The following ANO10 variants were observed in gnomAD, a reference collection of about 807,000 sequenced individuals.
The protein encoded by ANO10 is anoctamin 10, also known as anoctamin-10.
A neutral mutation model predicts 74.7 loss-of-function variants in ANO10; 77 were observed. The ratio of observed to expected loss-of-function variants is 1.03; its 90% confidence interval spans 0.86 to 1.25. The LOEUF is 1.25. ANO10 is among the 50% of genes most tolerant of loss of function. The pLI, the probability that ANO10 is intolerant of heterozygous loss-of-function variation, is 0.00. For synonymous variants in ANO10, 279 were observed against 284.9 expected, an observed-to-expected ratio of 0.98 and a Z score of 0.21; for missense variants, 721 against 778.1, an observed-to-expected ratio of 0.93 and a Z score of 0.87.
chr3:43,637,055 C>T (rs1341866502), intron 1 of ANO10, among the ~76,000 whole-genome samples: 1 of 152,092 alleles, frequency 6.6e-6, no homozygotes, highest in African/African-American at 2.4e-5. Context: ...CTGCAGTCCC[C>T]GCTAGCAGGA....
In ANO10 at chr3:43,365,893, T is replaced by C. The variant is rs1243039707; in HGVS notation, c.*1013A>G. ...GTCCGAGTGGAGGTGCCCACGGGTC[T>C]GTAGTGTCTTGGCTACAGCAGGACG... On this transcript the variant is annotated 3_prime_UTR_variant, in exon 13 of 13. Coordinates refer to ENST00000292246, the MANE Select transcript of ANO10 (RefSeq NM_018075.5). The C allele has an allele frequency of 2.0e-5, 3 of 152,444 alleles. No homozygotes were observed. The highest frequency in any genetic ancestry group is 4.4e-5 in the Non-Finnish European group (3 of 68,188). The allele number at this position is 152,444 out of a possible 1,614,324, so 9.4% of individuals were successfully genotyped here.
chr3:43,535,569 T>C (rs974929326), intron 11 of ANO10, among the ~76,000 whole-genome samples: 1 of 152,142 alleles, frequency 6.6e-6, no homozygotes, highest in African/African-American at 2.4e-5. Flanking sequence ...CCACAGCGCC[T>C]GGCCTCCTAG....
intron 12 of ANO10, among the ~76,000 whole-genome samples, chr3:43,370,329 G>A (rs55760455): frequency 0.026 from 3,932 of 152,282 alleles, 176 homozygotes; most frequent in African/African-American, 0.087. Flanking sequence ...AATTTTTAAC[G>A]AGCCTTCGAG....
chr3:43,382,451 G>A (rs1309013715), intron 12 of ANO10, among the ~76,000 whole-genome samples: 4 of 151,126 alleles, frequency 2.6e-5, no homozygotes, highest in Non-Finnish European at 5.9e-5. Context: ...CCCGGGAGGC[G>A]GAGCTTGCAG....
chr3:43,551,124 G>A (rs2079437451), intron 10 of ANO10, among the ~76,000 whole-genome samples: 1 of 152,140 alleles, frequency 6.6e-6, no homozygotes, highest in Admixed American at 6.5e-5. Flanking sequence ...TTTCTTATTG[G>A]TGGGCATTTA....
At chr3:43,612,409 T>C (rs1360403074) in intron 1 of ANO10, among the ~76,000 whole-genome samples, 1 of 151,984 alleles carries the variant, frequency 6.6e-6, no homozygotes, top group Non-Finnish European at 1.5e-5. Context: ...CTCCCCAGCC[T>C]CAGCTTCCTT....
chr3:43,507,033 C>A (rs1051500378), intron 11 of ANO10, among the ~76,000 whole-genome samples: 18 of 152,180 alleles, frequency 1.2e-4, no homozygotes, highest in African/African-American at 4.1e-4. Context: ...GCTAATATAT[C>A]TTTATTGAAT....
At chr3:43,403,634 C>T (rs2092523652) in intron 12 of ANO10, among the ~76,000 whole-genome samples, 1 of 152,186 alleles carries the variant, frequency 6.6e-6, no homozygotes, top group African/African-American at 2.4e-5. Context: ...GAAGCATTTT[C>T]CTGTACTTCA....
At chr3:43,458,792 A>G (rs1216188644) in intron 11 of ANO10, among the ~76,000 whole-genome samples, 4 of 151,988 alleles carry the variant, frequency 2.6e-5, no homozygotes. Context: ...ATTTGTCCTA[A>G]CGCTCTCCCT....
chr3:43,567,058 C>G (rs1422711802), intron 7 of ANO10, among the ~76,000 whole-genome samples: 1 of 151,920 alleles, frequency 6.6e-6, no homozygotes, highest in South Asian at 2.1e-4. Flanking sequence ...GGAGCTGATG[C>G]AATCAACTGG....
At chr3:43,506,856 C>T (rs897449026) in intron 11 of ANO10, among the ~76,000 whole-genome samples, 5 of 152,166 alleles carry the variant, frequency 3.3e-5, no homozygotes, top group African/African-American at 4.8e-5. Context: ...CCCTTCCTCA[C>T]CTTATTTTTC....
At chr3:43,687,086 A>T (rs1294233703) in intron 1 of ANO10, among the ~76,000 whole-genome samples, 1 of 150,854 alleles carries the variant, frequency 6.6e-6, no homozygotes. Flanking sequence ...TTCCCTTATC[A>T]TCCTGTGTCC....
chr3:43,424,233 A>G (rs77019930), intron 12 of ANO10, among the ~76,000 whole-genome samples: 183 of 152,360 alleles, frequency 1.2e-3, no homozygotes, highest in African/African-American at 4.1e-3. Context: ...AAGTTATGAC[A>G]CTGAAAGGGA....
intron 11 of ANO10, among the ~76,000 whole-genome samples, chr3:43,465,819 T>C (rs549994236): frequency 6.6e-6 from 1 of 152,286 alleles, no homozygotes; most frequent in South Asian, 2.1e-4. Flanking sequence ...ATCTATAAAA[T>C]ATTGTTGTGA....
intron 12 of ANO10, among the ~76,000 whole-genome samples, chr3:43,418,243 C>T (rs2092771578): frequency 6.6e-6 from 1 of 152,230 alleles, no homozygotes; most frequent in Admixed American, 6.5e-5. Flanking sequence ...TGCCATTGCA[C>T]TCCAGCCTGG....
chr3:43,433,432 T>G (rs1481238133), intron 11 of ANO10, among the ~76,000 whole-genome samples: 1 of 152,190 alleles, frequency 6.6e-6, no homozygotes, highest in Non-Finnish European at 1.5e-5. Context: ...CACTTCAGTT[T>G]GAGTTACATG....
chr3:43,691,015 T>G (rs776212168), intron 1 of ANO10: 13 of 1,554,668 alleles, frequency 8.4e-6, no homozygotes, highest in South Asian at 1.2e-5. Flanking sequence ...GAGGAGGAGG[T>G]GGACTCTGCC....
chr3:43,370,023 T>G (rs931922883), intron 12 of ANO10, among the ~76,000 whole-genome samples: 3 of 152,142 alleles, frequency 2.0e-5, no homozygotes, highest in African/African-American at 7.2e-5. Context: ...CTACCACTCA[T>G]GAGTCTGCAA....
intron 1 of ANO10, among the ~76,000 whole-genome samples, chr3:43,614,056 C>T (rs1244204549): frequency 6.6e-6 from 1 of 151,894 alleles, no homozygotes; most frequent in South Asian, 2.1e-4. Context: ...AATAACTATG[C>T]GTGAAAAAAA....
Sources: gnomAD v4.1 joint callset for allele counts (sites outside exome capture counted in the v4.1 genomes callset) on GRCh38, gnomAD v4.1.1 for gene constraint, MANE v1.5 for transcripts, NCBI Gene and HGNC (gene_info 2026-07-23, HGNC 2026-07-21) for gene names.